KCNK10: variants seen among roughly 807,000 people sequenced by gnomAD.
KCNK10 encodes the protein potassium channel subfamily K member 10.
A neutral mutation model predicts 47.7 loss-of-function variants in KCNK10; 25 were observed. The observed-to-expected ratio is 0.52, with a 90% CI of 0.38 to 0.73. The LOEUF is 0.73. Ranked by LOEUF, KCNK10 falls within the 30% of genes least tolerant of loss-of-function variation. The pLI is 0.00. For missense variants in KCNK10, 563 were observed against 714.5 expected (o/e 0.79, Z 2.42); for synonymous variants, 303 against 285.6 (o/e 1.06, Z -0.61).
At chr14:88,270,848 C>T in intron 1 of KCNK10, 3 of 780,746 alleles carry the variant, frequency 3.8e-6, no homozygotes, top group Non-Finnish European at 7.2e-6. Flanking sequence ...CACATGGACC[C>T]TTGCTAACAA....
At chr14:88,254,223 GAGAT>G (rs1186567464) in intron 2 of KCNK10, among the ~76,000 whole-genome samples, 1 of 152,178 alleles carries the variant, frequency 6.6e-6, no homozygotes, top group Non-Finnish European at 1.5e-5. Context: ...ACCAGGGAGT[GAGAT>G]AACCTGCTCA....
At chr14:88,296,983 C>T (rs1887998463) in intron 1 of KCNK10, among the ~76,000 whole-genome samples, 1 of 152,156 alleles carries the variant, frequency 6.6e-6, no homozygotes, top group Admixed American at 6.5e-5. Flanking sequence ...GCTAGTAAGA[C>T]ACATTCTGAT....
chr14:88,232,450 A>G (rs1224325194), intron 3 of KCNK10, among the ~76,000 whole-genome samples: 1 of 152,186 alleles, frequency 6.6e-6, no homozygotes, highest in Admixed American at 6.5e-5. Flanking sequence ...AAACCTTGCG[A>G]CCACATGCAA....
At chr14:88,202,691 C>A (rs1321189090) in intron 4 of KCNK10, among the ~76,000 whole-genome samples, 2 of 152,084 alleles carry the variant, frequency 1.3e-5, no homozygotes, top group African/African-American at 4.8e-5. Context: ...GTAGGCAAGA[C>A]CGGGTTAGGA....
chr14:88,316,948 G>A (rs1888440743), intron 1 of KCNK10, among the ~76,000 whole-genome samples: 1 of 152,230 alleles, frequency 6.6e-6, no homozygotes, highest in African/African-American at 2.4e-5. Context: ...TTAAGGTGGG[G>A]TTCATATGGA....
chr14:88,315,725 C>T (rs1465829363), intron 1 of KCNK10, among the ~76,000 whole-genome samples: 2 of 152,058 alleles, frequency 1.3e-5, no homozygotes, highest in Non-Finnish European at 2.9e-5. Context: ...TCTCCATCAC[C>T]CGACCAAATT....
chr14:88,218,974 G>A (rs1033359545), intron 4 of KCNK10, among the ~76,000 whole-genome samples: 8 of 152,164 alleles, frequency 5.3e-5, no homozygotes, highest in Non-Finnish European at 1.2e-4. Flanking sequence ...GTTTCATGGT[G>A]TAGATTAATC....
intron 1 of KCNK10, among the ~76,000 whole-genome samples, chr14:88,310,706 C>T (rs1007256054): frequency 2.0e-5 from 3 of 152,160 alleles, no homozygotes; most frequent in African/African-American, 7.2e-5. Flanking sequence ...GGGAGGCCTT[C>T]CAAGCTGAGG....
intron 1 of KCNK10, among the ~76,000 whole-genome samples, chr14:88,287,244 T>C (rs891934365): frequency 2.6e-5 from 4 of 152,174 alleles, no homozygotes; most frequent in Non-Finnish European, 5.9e-5. Context: ...GCTAGCATAG[T>C]GTTTGGCATT....
intron 1 of KCNK10, among the ~76,000 whole-genome samples, chr14:88,306,501 T>G (rs1888204644): frequency 6.6e-6 from 1 of 152,184 alleles, no homozygotes; most frequent in Admixed American, 6.5e-5. Context: ...TCATAGGATG[T>G]GCTCTGTCAT....
intron 5 of KCNK10, 128 bp from the exon 6 acceptor site, chr14:88,188,237 G>A: frequency 8.6e-7 from 1 of 1,168,722 alleles, no homozygotes. Flanking sequence ...GGTTTGCTGT[G>A]TACAAGGTGG....
chr14:88,294,378 A>G (rs1343582942), intron 1 of KCNK10, among the ~76,000 whole-genome samples: 2 of 152,284 alleles, frequency 1.3e-5, no homozygotes, highest in Non-Finnish European at 1.5e-5. Context: ...CCAAGATGGA[A>G]CTTGCCTAAG....
At chr14:88,242,902 A>ATACCATCAG (rs1486843518) in intron 2 of KCNK10, among the ~76,000 whole-genome samples, 1 of 152,206 alleles carries the variant, frequency 6.6e-6, no homozygotes, top group Non-Finnish European at 1.5e-5. Context: ...GCCTCAAATC[A>ATACCATCAG]TACCATCAGT....
In KCNK10 at chr14:88,227,255, A is replaced by G. The variant is rs1886015959; in HGVS notation, c.681+120T>C. On this transcript the variant is annotated intron_variant, in intron 4 of 6. Coordinates refer to ENST00000319231, the MANE Select transcript of KCNK10 (RefSeq NM_138317.3). ...ATTGGCCAAAACAGAAAATACAATCATAACATTAAAATTATTCCATTAAAA... is the reference window on the plus strand; with the variant it reads ...ATTGGCCAAAACAGAAAATACAATCGTAACATTAAAATTATTCCATTAAAA... The G allele has an allele frequency of 1.6e-5, 13 of 832,232 alleles. No homozygotes were observed. The South Asian group carries it at 2.6e-4, about 17-fold the overall frequency. 51.6% of individuals were successfully genotyped at this position (832,232 alleles called of 1,614,324 possible).
At chr14:88,218,615 A>C (rs889039254) in intron 4 of KCNK10, among the ~76,000 whole-genome samples, 63 of 152,144 alleles carry the variant, frequency 4.1e-4, no homozygotes, top group African/African-American at 1.5e-3. Flanking sequence ...GAAATACCAG[A>C]AAGCCTGCTG....
intron 3 of KCNK10, 88 bp from the exon 4 acceptor site, chr14:88,227,623 A>C: frequency 2.4e-6 from 3 of 1,255,566 alleles, no homozygotes; most frequent in South Asian, 3.0e-5. Context: ...AAGTTTGTAC[A>C]TTCCCCCACC....
chr14:88,194,836 G>A (rs868847588), intron 4 of KCNK10, among the ~76,000 whole-genome samples: 7 of 152,166 alleles, frequency 4.6e-5, no homozygotes, highest in Admixed American at 1.3e-4. Context: ...CTCAGAGAAT[G>A]TTTGGAGCAT....
At chr14:88,312,697 A>G (rs975563052) in intron 1 of KCNK10, among the ~76,000 whole-genome samples, 10 of 152,248 alleles carry the variant, frequency 6.6e-5, no homozygotes, top group Admixed American at 2.6e-4. Flanking sequence ...ACAGTCAGAA[A>G]AAATAGGGTG....
At chr14:88,315,939 T>G (rs17124500) in intron 1 of KCNK10, among the ~76,000 whole-genome samples, 29,734 of 151,990 alleles carry the variant, frequency 0.2, 3,107 homozygotes, top group East Asian at 0.28. Context: ...AAAAGTTCCC[T>G]GTGATCACCT....
Sources: gnomAD v4.1 joint callset for allele counts (sites outside exome capture counted in the v4.1 genomes callset) on GRCh38, gnomAD v4.1.1 for gene constraint, MANE v1.5 for transcripts, NCBI Gene and HGNC (gene_info 2026-07-23, HGNC 2026-07-21) for gene names.